Variants in COBL observed in about 807,000 individuals in gnomAD.
The protein encoded by COBL is cordon-bleu WH2 repeat protein, also known as protein cordon-bleu.
Under a neutral mutation model 98.8 loss-of-function variants are expected in COBL, and 51 were observed. The observed-to-expected ratio is 0.52, with a 90% confidence interval of 0.41 to 0.65. COBL has a LOEUF of 0.65. COBL is among the 30% of genes least tolerant of loss of function. The probability of loss-of-function intolerance (pLI) is 0.00; values close to 1 mark genes in which losing one functional copy is unlikely to be tolerated. For synonymous variants in COBL, 634 were observed against 651.7 expected, an observed-to-expected ratio of 0.97 and a Z score of 0.41; for missense variants, 1,617 against 1,617.5, an observed-to-expected ratio of 1.00 and a Z score of 0.01.
chr7:51,120,472 T>C (rs191352905), intron 6 of COBL, among the ~76,000 whole-genome samples: 1 of 152,362 alleles, frequency 6.6e-6, no homozygotes, highest in East Asian at 1.9e-4. Flanking sequence ...TTAAATTTTA[T>C]CATTAATTAT....
chr7:51,210,458 G>A (rs527265249), intron 2 of COBL, among the ~76,000 whole-genome samples: 15 of 152,270 alleles, frequency 9.9e-5, no homozygotes, highest in African/African-American at 2.6e-4. Context: ...CCAGGACAGC[G>A]GGGCTTCCAC....
intron 7 of COBL, among the ~76,000 whole-genome samples, chr7:51,058,497 G>A (rs1790987914): frequency 6.6e-6 from 1 of 152,032 alleles, no homozygotes; most frequent in African/African-American, 2.4e-5. Flanking sequence ...AGGCTGCAGT[G>A]AACTATGATT....
chr7:51,222,545 A>G (rs571977529), intron 1 of COBL, among the ~76,000 whole-genome samples: 1 of 152,300 alleles, frequency 6.6e-6, no homozygotes, highest in South Asian at 2.1e-4. Context: ...AATTTTAACC[A>G]CTATGTTATT....
intron 5 of COBL, among the ~76,000 whole-genome samples, chr7:51,174,337 C>T (rs1037817842): frequency 1.3e-5 from 2 of 151,966 alleles, no homozygotes; most frequent in African/African-American, 2.4e-5. Context: ...GCATTTAGCA[C>T]GGTACCTCAA....
At chr7:51,185,754 C>A (rs1322974603) in intron 4 of COBL, among the ~76,000 whole-genome samples, 1 of 152,214 alleles carries the variant, frequency 6.6e-6, no homozygotes, top group Non-Finnish European at 1.5e-5. Context: ...CAAGGTAACC[C>A]TCAATTAACT....
In COBL at chr7:51,017,376, T is replaced by C; in HGVS notation, c.*175A>G. On this transcript the variant is annotated 3_prime_UTR_variant, in exon 13 of 13. Coordinates refer to ENST00000265136, the MANE Select transcript of COBL (RefSeq NM_015198.5). The stretch of plus-strand genomic sequence containing the variant: ...CGAGCTGCGCAGCGACACAGCATCT[T>C]CTCCTTTCCTTTCAAGCCGTTATAC... The C allele has an allele frequency of 3.0e-6, 2 of 664,410 alleles. No homozygotes were observed. The highest frequency in any genetic ancestry group is 1.7e-5 in the South Asian group (1 of 57,724). The allele number at this position is 664,410 out of a possible 1,614,324, so 41.2% of individuals were successfully genotyped here.
chr7:51,090,506 G>C (rs1053983443), intron 6 of COBL, among the ~76,000 whole-genome samples: 2 of 152,202 alleles, frequency 1.3e-5, no homozygotes, highest in Admixed American at 1.3e-4. Context: ...AGCTTTTCAG[G>C]GGGGCTGCCT....
intron 7 of COBL, among the ~76,000 whole-genome samples, chr7:51,052,148 A>G (rs1184478352): frequency 6.6e-6 from 1 of 152,064 alleles, no homozygotes; most frequent in African/African-American, 2.4e-5. Flanking sequence ...TGTAGTGTGG[A>G]TATTATTATT....
intron 12 of COBL, among the ~76,000 whole-genome samples, chr7:51,022,320 C>CTT (rs1787017873): frequency 9.9e-5 from 15 of 152,190 alleles, no homozygotes; most frequent in Admixed American, 9.8e-4. Context: ...ACAATCAAAA[C>CTT]CTGGACTTTT....
chr7:51,182,860 G>A (rs551680152), intron 5 of COBL, among the ~76,000 whole-genome samples: 23 of 152,298 alleles, frequency 1.5e-4, no homozygotes, highest in African/African-American at 5.5e-4. Flanking sequence ...TTCAGCAGAG[G>A]TGAATCTGAG....
At chr7:51,100,756 A>G (rs1411921742) in intron 6 of COBL, among the ~76,000 whole-genome samples, 3 of 152,134 alleles carry the variant, frequency 2.0e-5, no homozygotes, top group Non-Finnish European at 2.9e-5. Flanking sequence ...CAAAAAAATT[A>G]TCAGGGCATG....
At chr7:51,043,928 A>C in intron 7 of COBL, among the ~76,000 whole-genome samples, 1 of 152,198 alleles carries the variant, frequency 6.6e-6, no homozygotes, top group Non-Finnish European at 1.5e-5. Context: ...TATTTGATTA[A>C]TTAGCCTTTT....
chr7:51,108,372 T>C (rs931405248), intron 6 of COBL, among the ~76,000 whole-genome samples: 2 of 152,200 alleles, frequency 1.3e-5, no homozygotes, highest in Non-Finnish European at 2.9e-5. Flanking sequence ...CTTTATGTGC[T>C]GGACTGTGGA....
At chr7:51,232,703 T>C (rs1228393573) in intron 1 of COBL, among the ~76,000 whole-genome samples, 1 of 151,820 alleles carries the variant, frequency 6.6e-6, no homozygotes, top group Non-Finnish European at 1.5e-5. Flanking sequence ...CCCAGACACT[T>C]GGGAGGCTGA....
chr7:51,280,604 T>C (rs1197713399), intron 1 of COBL, among the ~76,000 whole-genome samples: 1 of 152,210 alleles, frequency 6.6e-6, no homozygotes, highest in East Asian at 1.9e-4. Flanking sequence ...CCTAGTTTTC[T>C]GGCTGGAGCA....
chr7:51,140,689 C>G (rs1450117234), intron 5 of COBL, among the ~76,000 whole-genome samples: 1 of 152,194 alleles, frequency 6.6e-6, no homozygotes, highest in Admixed American at 6.5e-5. Context: ...CTATGCAGAT[C>G]TAGCACCAGG....
intron 1 of COBL, among the ~76,000 whole-genome samples, chr7:51,275,820 C>A (rs1050498618): frequency 1.3e-5 from 2 of 152,220 alleles, no homozygotes; most frequent in African/African-American, 2.4e-5. Context: ...TGTCTCCATG[C>A]TGATTGATGA....
intron 1 of COBL, among the ~76,000 whole-genome samples, chr7:51,228,779 G>A (rs1342660604): frequency 2.0e-5 from 3 of 152,148 alleles, no homozygotes; most frequent in Admixed American, 6.5e-5. Flanking sequence ...TGAAGAAAGA[G>A]CCTGTCGGTG....
intron 6 of COBL, among the ~76,000 whole-genome samples, chr7:51,127,782 C>T (rs1179330929): frequency 1.3e-5 from 2 of 152,154 alleles, no homozygotes; most frequent in Non-Finnish European, 2.9e-5. Context: ...AGGGGTGATC[C>T]GGACTCCCTC....
Sources: gnomAD v4.1 joint callset for allele counts (sites outside exome capture counted in the v4.1 genomes callset) on GRCh38, gnomAD v4.1.1 for gene constraint, MANE v1.5 for transcripts, NCBI Gene and HGNC (gene_info 2026-07-23, HGNC 2026-07-21) for gene names.